The following HHLA1 variants were observed in gnomAD, a reference collection of about 807,000 sequenced individuals.
HHLA1 encodes the protein HERV-H LTR-associating protein 1.
A neutral mutation model predicts 69.9 loss-of-function variants in HHLA1; 72 were observed. The ratio of observed to expected loss-of-function variants is 1.03; its 90% CI spans 0.85 to 1.25. HHLA1 has a LOEUF of 1.25. Ranked by LOEUF, HHLA1 falls within the 50% of genes most tolerant of loss-of-function variation. The pLI, the probability that HHLA1 is intolerant of heterozygous loss-of-function variation, is 0.00. For missense variants in HHLA1, 685 were observed against 642.2 expected, an observed-to-expected ratio of 1.07 and a Z score of -0.72; for synonymous variants, 252 against 233.2, an observed-to-expected ratio of 1.08 and a Z score of -0.73.
At position 132,100,080 on chromosome 8, in the gene HHLA1, G is replaced by A. The variant is rs377199177; in HGVS notation, c.194C>T (p.Thr65Met). ...RKEKGVAFLATTELPARSIDL... is the reference protein window; with the variant it reads ...RKEKGVAFLAMTELPARSIDL... ...TTTGGGGGAGCGGCACTCACCCGTC[G>A]TAGCAAGAAATGCCACCCCCTTCTC... Residue 65 changes from threonine (T) to methionine (M), a missense_variant, in exon 4 of 17, where the codon ACG (threonine) becomes ATG (methionine). By Grantham distance (81) the Thr-to-Met change is moderately conservative (BLOSUM62 -1). Transcript: ENST00000414222. The A allele has an allele frequency of 1.4e-4, 212 of 1,551,318 alleles. 1 individual carries two copies. In the African/African-American group the frequency reaches 2.5e-3, roughly 18 times the overall value.
rs539893561 is a variant in HHLA1 at position 132,097,325 on chromosome 8, A to C, written c.281-1539T>G. ...AGGAACCTGGGGAGATGAATATTTA[A>C]TAAGTACATCAGGTCCTTCTTATTG... is the stretch of plus-strand genomic sequence containing the variant. On this transcript the variant is annotated intron_variant, in intron 5 of 16. Transcript: ENST00000414222. Among the ~76,000 whole-genome samples the C allele has an allele frequency of 1.4e-3, 216 of 152,330 alleles. 5 individuals carry two copies. In the Middle Eastern group the frequency reaches 0.02, roughly 14 times the overall value.
chr8:132,110,456 C>T (rs956294571), intron 1 of HHLA1, among the ~76,000 whole-genome samples: 1 of 152,164 alleles, frequency 6.6e-6, no homozygotes, highest in African/African-American at 2.4e-5. Context: ...TAAAAAATAC[C>T]TAATGACAGA....
At chr8:132,076,325 T>C in intron 13 of HHLA1, 150 bp downstream of exon 13, 1 of 700,918 alleles carries the variant, frequency 1.4e-6, no homozygotes, top group South Asian at 1.9e-5. Flanking sequence ...AAACCAGTTC[T>C]CCTGACTCTT....
At chr8:132,083,733 C>T (rs544132786) in intron 10 of HHLA1, among the ~76,000 whole-genome samples, 28 of 152,240 alleles carry the variant, frequency 1.8e-4, no homozygotes, top group East Asian at 5.8e-4. Context: ...TCTGGAGGAA[C>T]GCCTGGCCGC....
At chr8:132,101,645 C>A (rs1041079535) in intron 3 of HHLA1, among the ~76,000 whole-genome samples, 5 of 149,672 alleles carry the variant, frequency 3.3e-5, no homozygotes, top group African/African-American at 1.2e-4. Flanking sequence ...GTGGCGTGAT[C>A]TCACTGCAAC....
chr8:132,089,860 A>T (rs1823920825), intron 7 of HHLA1, among the ~76,000 whole-genome samples: 1 of 152,192 alleles, frequency 6.6e-6, no homozygotes, highest in Non-Finnish European at 1.5e-5. Context: ...TTCTCTGCTA[A>T]CATCTAAGAG....
At chr8:132,084,871 G>A (rs1025251230) in intron 10 of HHLA1, among the ~76,000 whole-genome samples, 16 of 151,974 alleles carry the variant, frequency 1.1e-4, no homozygotes, top group Non-Finnish European at 1.3e-4. Flanking sequence ...GGAAATAAGC[G>A]ATTGGGGGGT....
rs534269958 is a variant in HHLA1, at chr8:132,077,388, G to A, written c.1171+338C>T. Among the ~76,000 whole-genome samples the A allele has an allele frequency of 5.9e-5, 9 of 152,264 alleles. No homozygotes were observed. The South Asian group carries it at 1.9e-3, about 32-fold the overall frequency. ...GAGGTGAGGCTGAGCAGCAGGCAGG[G>A]CTCATGCCTGGAATTTCAGGCCCGG... On this transcript the variant is annotated intron_variant, in intron 12 of 16. Transcript: ENST00000414222.
In HHLA1 at chr8:132,079,949, T is replaced by A. The variant is rs1823716700; in HGVS notation, c.694A>T (p.Thr232Ser). Residue 232 changes from threonine (T) to serine (S), a missense_variant, in exon 11 of 17, where the codon ACT (threonine) becomes TCT (serine). Thr to Ser is a moderately conservative substitution (Grantham distance 58). Coordinates refer to ENST00000414222, the MANE Select transcript of HHLA1 (RefSeq NM_001145095.3). ...SGVLGAATRG[T>S]ARTSKPTTKS... ...GTTGTGGGCTTTGAAGTCCTGGCAG[T>A]TCCCCTGGTAGCTGCACCTTCAGGG... The A allele has an allele frequency of 1.3e-6, 2 of 1,552,210 alleles. No individual in the cohort carries two copies. Among genetic ancestry groups the A allele is most frequent in the African/African-American group, 1.4e-5 (1 of 73,054 alleles).
intron 7 of HHLA1, among the ~76,000 whole-genome samples, chr8:132,093,026 G>T: frequency 6.6e-6 from 1 of 152,162 alleles, no homozygotes. Flanking sequence ...GGCTATTTTG[G>T]AGTCATTTGT....
chr8:132,064,627 T>A (rs1164661077), intron 16 of HHLA1, among the ~76,000 whole-genome samples: 1 of 128,506 alleles, frequency 7.8e-6, no homozygotes, highest in Non-Finnish European at 1.6e-5. Flanking sequence ...AAGGACCCTG[T>A]GTTTGGGAAA....
chr8:132,107,670 T>C (rs1408978942), intron 1 of HHLA1, among the ~76,000 whole-genome samples: 1 of 152,246 alleles, frequency 6.6e-6, no homozygotes, highest in Non-Finnish European at 1.5e-5. Context: ...AATGCATTTT[T>C]ACTTCTCCCT....
chr8:132,095,839 TA>T, intron 5 of HHLA1, 53 bp from the exon 6 acceptor site: 1 of 1,088,836 alleles, frequency 9.2e-7, no homozygotes, highest in Non-Finnish European at 1.3e-6. Context: ...AACGTAACAA[TA>T]ATACAAATAA....
intron 1 of HHLA1, 150 bp from the exon 2 acceptor site, chr8:132,105,436 A>G: frequency 4.8e-6 from 3 of 628,752 alleles, no homozygotes; most frequent in Non-Finnish European, 8.6e-6. Context: ...TAACAAATTA[A>G]CTCCACAATT....
rs1823366395 is a variant in HHLA1, at chr8:132,062,288, G to A, written c.*1707C>T. 1 of 152,130 alleles carries A rather than the reference G, an allele frequency of 6.6e-6. No individual in the cohort carries two copies. Among genetic ancestry groups the A allele is most frequent in the African/African-American group, 2.4e-5 (1 of 41,430 alleles). The allele number at this position is 152,130 out of a possible 1,614,324, so 9.4% of individuals were successfully genotyped here. A position where few individuals can be genotyped will look rare whatever the true frequency, so the allele number is the denominator to read the frequency against. On this transcript the variant is annotated 3_prime_UTR_variant, in exon 17 of 17. Transcript: ENST00000414222. ...CTTGGAGAGTCTTTCAAGTGTTCTG[G>A]AGAATAAAAAGAAATCTTTCTGCAT...
intron 10 of HHLA1, among the ~76,000 whole-genome samples, chr8:132,086,505 C>G (rs1269242916): frequency 1.3e-5 from 2 of 152,204 alleles, no homozygotes; most frequent in African/African-American, 4.8e-5. Flanking sequence ...CAGCCAGGTA[C>G]TTGCTTTCAG....
At chr8:132,076,200 T>G (rs922237555) in intron 13 of HHLA1, 71 bp from the exon 14 acceptor site, 2 of 1,055,170 alleles carry the variant, frequency 1.9e-6, no homozygotes, top group African/African-American at 3.2e-5. Flanking sequence ...CAGCAAGAAA[T>G]TTATAACATC....
intron 10 of HHLA1, among the ~76,000 whole-genome samples, chr8:132,085,993 A>G (rs1823854657): frequency 6.6e-6 from 1 of 152,090 alleles, no homozygotes; most frequent in Admixed American, 6.5e-5. Flanking sequence ...TTGGGCTCAG[A>G]GGCCTGACAC....
At chr8:132,070,308 C>G in intron 15 of HHLA1, 2 of 701,800 alleles carry the variant, frequency 2.8e-6, no homozygotes, top group South Asian at 1.5e-5. Context: ...TAATATAAAA[C>G]AGGTTCTGCT....
Sources: gnomAD v4.1 joint callset for allele counts (sites outside exome capture counted in the v4.1 genomes callset) on GRCh38, gnomAD v4.1.1 for gene constraint, MANE v1.5 for transcripts, NCBI Gene and HGNC (gene_info 2026-07-23, HGNC 2026-07-21) for gene names.